FIG4: variants seen among roughly 807,000 people sequenced by gnomAD.
FIG4 encodes FIG4 phosphoinositide 5-phosphatase, also known as polyphosphoinositide phosphatase.
In FIG4, 112 loss-of-function variants were observed where a neutral mutation model predicts 118.6. The observed-to-expected ratio is 0.94, with a 90% confidence interval of 0.81 to 1.11. The LOEUF is 1.11. FIG4 is among the 50% of genes least tolerant of loss of function. The pLI, the probability that FIG4 is intolerant of heterozygous loss-of-function variation, is 0.00. For missense variants in FIG4, 969 were observed against 1,111.7 expected (o/e 0.87, Z 1.83); for synonymous variants, 369 against 381.2 (o/e 0.97, Z 0.37).
chr6:109,767,816 G>A (rs1777327023), intron 15 of FIG4, among the ~76,000 whole-genome samples: 2 of 152,074 alleles, frequency 1.3e-5, no homozygotes, highest in South Asian at 4.1e-4. Flanking sequence ...AGCTTGCAGC[G>A]AGCCGAGATC....
chr6:109,726,173 C>A (rs895376166), intron 3 of FIG4, among the ~76,000 whole-genome samples: 6 of 152,094 alleles, frequency 3.9e-5, no homozygotes, highest in African/African-American at 1.2e-4. Context: ...AAGCCTTTGT[C>A]CATGCCTGTG....
intron 16 of FIG4, among the ~76,000 whole-genome samples, chr6:109,778,809 T>C (rs9386843): frequency 0.17 from 25,988 of 151,932 alleles, 3,592 homozygotes; most frequent in African/African-American, 0.37. Flanking sequence ...CTGTGTTAGC[T>C]AGGGTGGTCT....
rs533268900 is a variant in FIG4 at position 109,695,457 on chromosome 6, T to C, written c.66+3956T>C. 1.1e-3 allele frequency among the ~76,000 whole-genome samples: 167 copies of C among 152,338 alleles called. 1 individual carries two copies. The highest frequency in any genetic ancestry group is 1.6e-4 in the Non-Finnish European group (11 of 68,026). On this transcript the variant is annotated intron_variant, in intron 1 of 22. Transcript: ENST00000230124. The stretch of plus-strand genomic sequence containing the variant: ...GCATTGTTGTGGTGGAGAAGGACTC[T>C]GTGATGGAGCTTCCTGGGTATTTTT...
chr6:109,763,558 G>A (rs1477408891), intron 12 of FIG4, among the ~76,000 whole-genome samples: 1 of 152,200 alleles, frequency 6.6e-6, no homozygotes, highest in Non-Finnish European at 1.5e-5. Flanking sequence ...AGTTGGGAAG[G>A]CTAAGGCTTG....
intron 15 of FIG4, among the ~76,000 whole-genome samples, chr6:109,769,745 C>T (rs933504624): frequency 1.3e-5 from 2 of 152,056 alleles, no homozygotes; most frequent in Admixed American, 1.3e-4. Flanking sequence ...ATAGTGAGAT[C>T]CCATCTCTAC....
At chr6:109,785,819 G>A in intron 17 of FIG4, 1 of 420,528 alleles carries the variant, frequency 2.4e-6, no homozygotes, top group African/African-American at 2.1e-5. Context: ...AATTCATTTT[G>A]GAAGGTATTT....
chr6:109,822,225 A>T (rs769109707), intron 22 of FIG4, among the ~76,000 whole-genome samples: 21 of 151,884 alleles, frequency 1.4e-4, no homozygotes, highest in Non-Finnish European at 2.4e-4. Flanking sequence ...AGGGTAGGGG[A>T]TTGTGATGGG....
intron 22 of FIG4, among the ~76,000 whole-genome samples, chr6:109,821,928 A>T (rs1583781385): frequency 6.6e-6 from 1 of 152,234 alleles, no homozygotes; most frequent in South Asian, 2.1e-4. Context: ...TAATCCCAGC[A>T]CTTTGGGAGG....
At position 109,758,416 on chromosome 6, in the gene FIG4, A is replaced by C. The variant is rs188833876; in HGVS notation, c.1138-1834A>C. ...AACTGGCTAGCCATATGCAGAAAAC[A>C]GAAACTGGATCCTTTCCTTGCACCT... On this transcript the variant is annotated intron_variant, in intron 10 of 22. Transcript: ENST00000230124. Among the ~76,000 whole-genome samples the C allele has an allele frequency of 8.6e-4, 117 of 136,408 alleles. 1 individual carries two copies. In the East Asian group the frequency reaches 0.018, roughly 21 times the overall value. 89.5% of individuals were successfully genotyped at this position (136,408 alleles called of 152,430 possible). A position where few individuals can be genotyped will look rare whatever the true frequency, so the allele number is the denominator to read the frequency against.
intron 3 of FIG4, among the ~76,000 whole-genome samples, chr6:109,726,067 A>T (rs879152642): frequency 6.6e-6 from 1 of 152,058 alleles, no homozygotes; most frequent in Non-Finnish European, 1.5e-5. Flanking sequence ...CACTGTGATG[A>T]TAGTTTCTTT....
At chr6:109,786,547 G>C in intron 18 of FIG4, 98 bp downstream of exon 18, 1 of 1,388,180 alleles carries the variant, frequency 7.2e-7, no homozygotes, top group Non-Finnish European at 1.0e-6. Flanking sequence ...CATTCTGTAG[G>C]CCTTCTGTCA....
At chr6:109,808,468 A>G (rs562652295) in intron 22 of FIG4, among the ~76,000 whole-genome samples, 1 of 151,958 alleles carries the variant, frequency 6.6e-6, no homozygotes, top group East Asian at 1.9e-4. Context: ...TATTTTTAGT[A>G]TTCTTTGTGA....
intron 1 of FIG4, among the ~76,000 whole-genome samples, chr6:109,711,197 A>T (rs1466950557): frequency 6.6e-6 from 1 of 152,106 alleles, no homozygotes; most frequent in Non-Finnish European, 1.5e-5. Flanking sequence ...CAGGAGATCG[A>T]TACCATCTTG....
intron 11 of FIG4, among the ~76,000 whole-genome samples, chr6:109,760,868 G>A (rs773187320): frequency 3.3e-5 from 5 of 152,106 alleles, no homozygotes; most frequent in Non-Finnish European, 5.9e-5. Context: ...CACAAATGTG[G>A]CAGCCAAAGT....
At chr6:109,814,508 G>GT (rs1028635407) in intron 22 of FIG4, among the ~76,000 whole-genome samples, 8 of 151,814 alleles carry the variant, frequency 5.3e-5, no homozygotes, top group African/African-American at 1.2e-4. Flanking sequence ...GAAGTTGCTT[G>GT]TTTTTTTCTT....
intron 16 of FIG4, among the ~76,000 whole-genome samples, chr6:109,778,661 C>T (rs1429046793): frequency 3.9e-5 from 6 of 151,910 alleles, no homozygotes; most frequent in Admixed American, 2.0e-4. Context: ...TGCAGTGGCG[C>T]GATCTCAGCT....
chr6:109,700,576 G>C (rs1285781968), intron 1 of FIG4, among the ~76,000 whole-genome samples: 1 of 152,212 alleles, frequency 6.6e-6, no homozygotes, highest in Non-Finnish European at 1.5e-5. Context: ...GTTGGTGGGG[G>C]TGTATTAGAG....
At chr6:109,777,665 C>G (rs1166869657) in intron 16 of FIG4, among the ~76,000 whole-genome samples, 1 of 152,236 alleles carries the variant, frequency 6.6e-6, no homozygotes, top group Non-Finnish European at 1.5e-5. Flanking sequence ...GTGCTACTAG[C>G]TAGCGTCAGA....
At chr6:109,698,784 T>C (rs1408166711) in intron 1 of FIG4, among the ~76,000 whole-genome samples, 1 of 152,258 alleles carries the variant, frequency 6.6e-6, no homozygotes, top group Non-Finnish European at 1.5e-5. Flanking sequence ...TATGGCCAAT[T>C]ACATTAATTC....
Sources: allele counts gnomAD v4.1 joint callset (sites outside exome capture counted in the v4.1 genomes callset), GRCh38; gene constraint gnomAD v4.1.1; transcripts MANE v1.5; gene names NCBI Gene and HGNC (gene_info 2026-07-23, HGNC 2026-07-21).